Variants in LRRC4C observed in about 807,000 individuals in gnomAD.
LRRC4C encodes the protein leucine-rich repeat-containing protein 4C.
In LRRC4C, 5 loss-of-function variants were observed where a neutral mutation model predicts 33.6. The observed-to-expected ratio is 0.15, with a 90% CI of 0.08 to 0.31. The LOEUF is 0.31. Among genes scored for constraint, LRRC4C ranks in the 10% least tolerant of loss-of-function variants. The probability of loss-of-function intolerance (pLI) is 1.00; values close to 1 mark genes in which losing one functional copy is unlikely to be tolerated. For synonymous variants in LRRC4C, 329 were observed against 302.0 expected (o/e 1.09, Z -0.93); for missense variants, 560 against 796.7 (o/e 0.70, Z 3.58).
intron 2 of LRRC4C, among the ~76,000 whole-genome samples, chr11:40,846,809 T>C (rs939048034): frequency 6.6e-6 from 1 of 152,156 alleles, no homozygotes; most frequent in Non-Finnish European, 1.5e-5. Context: ...GTTTTTCCAT[T>C]TGTTTGTGTC....
intron 1 of LRRC4C, among the ~76,000 whole-genome samples, chr11:41,198,683 GAC>G (rs139687761): frequency 0.036 from 5,420 of 152,056 alleles, 126 homozygotes; most frequent in South Asian, 0.05. Flanking sequence ...CTGTGGGAAA[GAC>G]ACTCCATTTT....
chr11:40,595,913 G>A (rs1959238934), intron 3 of LRRC4C, among the ~76,000 whole-genome samples: 1 of 152,122 alleles, frequency 6.6e-6, no homozygotes, highest in African/African-American at 2.4e-5. Context: ...TATAGCGACG[G>A]GGTAGTACTT....
chr11:40,330,643 A>G (rs1215031872), intron 3 of LRRC4C, among the ~76,000 whole-genome samples: 1 of 152,102 alleles, frequency 6.6e-6, no homozygotes, highest in Non-Finnish European at 1.5e-5. Flanking sequence ...GTGGCAGGAG[A>G]CAGAATGAGC....
At chr11:41,011,799 T>TTA (rs138345525) in intron 1 of LRRC4C, among the ~76,000 whole-genome samples, 3 of 142,322 alleles carry the variant, frequency 2.1e-5, no homozygotes, top group African/African-American at 5.2e-5. Flanking sequence ...CACTTAAAAT[T>TTA]AAAAAAAAAA....
chr11:41,234,447 G>A (rs993984975), intron 1 of LRRC4C, among the ~76,000 whole-genome samples: 1 of 151,870 alleles, frequency 6.6e-6, no homozygotes, highest in Non-Finnish European at 1.5e-5. Context: ...TAATCATTAT[G>A]TTGTACAATA....
intron 3 of LRRC4C, among the ~76,000 whole-genome samples, chr11:40,532,079 A>G (rs1340287296): frequency 6.7e-6 from 1 of 149,900 alleles, no homozygotes; most frequent in Admixed American, 6.7e-5. Context: ...ACTAGAAACC[A>G]TTGCACTCGT....
At position 41,259,828 on chromosome 11, in the gene LRRC4C, T is replaced by A. The variant is rs543250926; in HGVS notation, c.-496+199603A>T. Among the ~76,000 whole-genome samples the A allele has an allele frequency of 2.7e-3, 418 of 152,110 alleles. 1 individual carries two copies. Among genetic ancestry groups the A allele is most frequent in the African/African-American group, 7.4e-3 (307 of 41,536 alleles). On this transcript the variant is annotated intron_variant, in intron 1 of 6. Coordinates refer to ENST00000528697, the MANE Select transcript of LRRC4C (RefSeq NM_001258419.2). ...GATAATTTCTTTGGTGGTTTTTTTT[T>A]AAAAATCAAATAAGATAAAGAAAAT...
intron 3 of LRRC4C, among the ~76,000 whole-genome samples, chr11:40,425,797 C>T (rs1036220907): frequency 2.0e-5 from 3 of 152,124 alleles, no homozygotes; most frequent in African/African-American, 7.2e-5. Context: ...AAAATTAAAA[C>T]AAATCTAATT....
At position 41,051,520 on chromosome 11, in the gene LRRC4C, C is replaced by CAAAAAAAAAAAAAAAAAAAAAAAAAAA. The variant is rs530003573; in HGVS notation, c.-495-117824_-495-117798dup. Among the ~76,000 whole-genome samples, 34 of 60,288 alleles carry CAAAAAAAAAAAAAAAAAAAAAAAAAAA rather than the reference C, an allele frequency of 5.6e-4. 4 individuals carry two copies. The highest frequency in any genetic ancestry group is 6.3e-4 in the African/African-American group (9 of 14,286). 39.6% of individuals were successfully genotyped at this position (60,288 alleles called of 152,430 possible). A position where few individuals can be genotyped will look rare whatever the true frequency, so the allele number is the denominator to read the frequency against. ...CTCAGTCCCTCCCAGGGTCTCAAGGCAAAAAAAAAAAAAAAAAAAAAAAAA... is the reference window on the plus strand; with the variant it reads ...CTCAGTCCCTCCCAGGGTCTCAAGGCAAAAAAAAAAAAAAAAAAAAAAAAAAAAAAAAAAAAAAAAAAAAAAAAAAAA... On this transcript the variant is annotated intron_variant, in intron 1 of 6. Transcript: ENST00000528697.
At chr11:40,178,416 T>C (rs978227479) in intron 5 of LRRC4C, among the ~76,000 whole-genome samples, 6 of 152,188 alleles carry the variant, frequency 3.9e-5, no homozygotes, top group Admixed American at 6.5e-5. Context: ...CCAGTTAATG[T>C]AGTGAAACTG....
chr11:41,074,318 A>G (rs1344094984), intron 1 of LRRC4C, among the ~76,000 whole-genome samples: 1 of 152,208 alleles, frequency 6.6e-6, no homozygotes, highest in Non-Finnish European at 1.5e-5. Flanking sequence ...GAAAATATAA[A>G]GAGAGATCTT....
intron 2 of LRRC4C, among the ~76,000 whole-genome samples, chr11:40,736,637 A>T (rs947782354): frequency 2.6e-5 from 4 of 152,168 alleles, no homozygotes; most frequent in African/African-American, 9.7e-5. Flanking sequence ...CAAACAGTGT[A>T]AAAGCGTTCC....
At chr11:41,009,245 A>AAT (rs925855325) in intron 1 of LRRC4C, among the ~76,000 whole-genome samples, 22 of 151,594 alleles carry the variant, frequency 1.5e-4, no homozygotes, top group East Asian at 5.8e-4. Context: ...ATATATTTTG[A>AAT]ATATATATAT....
intron 3 of LRRC4C, among the ~76,000 whole-genome samples, chr11:40,464,806 AT>A (rs1055666465): frequency 4.6e-5 from 7 of 152,034 alleles, no homozygotes; most frequent in Non-Finnish European, 1.0e-4. Context: ...GACGCAAATA[AT>A]TTTAGACGAC....
In LRRC4C at chr11:40,344,272, A is replaced by G. The variant is rs1947018478; in HGVS notation, c.-269-24551T>C. On this transcript the variant is annotated intron_variant, in intron 3 of 6. Coordinates refer to ENST00000528697, the MANE Select transcript of LRRC4C (RefSeq NM_001258419.2). ...CATCAACAAGACACTAGAAAACCAAACCCAGCAGCACATTAAAAAGTGAAT... is the reference window on the plus strand; with the variant it reads ...CATCAACAAGACACTAGAAAACCAAGCCCAGCAGCACATTAAAAAGTGAAT... Among the ~76,000 whole-genome samples the G allele has an allele frequency of 2.0e-5, 3 of 152,128 alleles. No homozygotes were observed. The South Asian group carries it at 6.2e-4, about 32-fold the overall frequency.
intron 3 of LRRC4C, among the ~76,000 whole-genome samples, chr11:40,600,452 GT>G (rs1959870714): frequency 6.6e-6 from 1 of 152,156 alleles, no homozygotes; most frequent in African/African-American, 2.4e-5. Context: ...CAATTACTAA[GT>G]GGTTTTTCAA....
At chr11:41,328,084 G>A (rs1468352508) in intron 1 of LRRC4C, among the ~76,000 whole-genome samples, 1 of 152,188 alleles carries the variant, frequency 6.6e-6, no homozygotes, top group Non-Finnish European at 1.5e-5. Context: ...GGAGGCCCTA[G>A]AGAATGTCTC....
At chr11:41,183,586 T>C (rs939469345) in intron 1 of LRRC4C, among the ~76,000 whole-genome samples, 3 of 152,084 alleles carry the variant, frequency 2.0e-5, no homozygotes, top group African/African-American at 7.2e-5. Context: ...CCCTGTGTCT[T>C]TGAAGGGTAC....
At chr11:40,291,629 G>T (rs924015362) in intron 4 of LRRC4C, among the ~76,000 whole-genome samples, 8 of 152,118 alleles carry the variant, frequency 5.3e-5, no homozygotes, top group African/African-American at 1.9e-4. Flanking sequence ...AGTGATTGTG[G>T]AAAGTACAGC....
Sources: allele counts gnomAD v4.1 joint callset (sites outside exome capture counted in the v4.1 genomes callset), GRCh38; gene constraint gnomAD v4.1.1; transcripts MANE v1.5; gene names NCBI Gene and HGNC (gene_info 2026-07-23, HGNC 2026-07-21).